Variants in ABCB4 observed in about 807,000 individuals in gnomAD.
ABCB4 encodes the protein ATP binding cassette subfamily B member 4.
Under a neutral mutation model 145.7 loss-of-function variants are expected in ABCB4, and 76 were observed. The observed-to-expected ratio is 0.52, with a 90% CI of 0.43 to 0.63. The LOEUF (loss-of-function observed/expected upper bound fraction) is 0.63, where lower values mean the gene tolerates loss of function less well. Among genes scored for constraint, ABCB4 ranks in the 30% least tolerant of loss-of-function variants. ABCB4 has a pLI of 0.00. For synonymous variants in ABCB4, 517 were observed against 566.8 expected (o/e 0.91, Z 1.25); for missense variants, 1,234 against 1,553.1 (o/e 0.79, Z 3.45).
Position 87,413,643 on chromosome 7 carries a change from A to G in ABCB4, c.2757T>C (p.Tyr919=), listed in dbSNP as rs1355715254. 1.9e-6 allele frequency: 3 copies of G among 1,611,242 alleles called. No homozygotes were observed. Among genetic ancestry groups the G allele is most frequent in the African/African-American group, 1.3e-5 (1 of 74,844 alleles). The change falls in exon 22 of 28, where the codon TAT becomes TAC. Residue 919 remains tyrosine, a synonymous_variant. Transcript: ENST00000649586. ...LTQERKFESM[Y]VEKLYGPYRN... is the part of the protein sequence containing the mutation. The stretch of plus-strand genomic sequence containing the variant: ...TGTAAGGTCCATACAATTTTTCAAC[A>G]TACATTGATTCAAATTTTCTTTCCT...
At chr7:87,398,422 AT>A (rs1278392744), downstream of ABCB4, 11 of 1,405,500 alleles carry the variant, frequency 7.8e-6, no homozygotes, top group African/African-American at 1.4e-4. Flanking sequence ...AAGACTTCAC[AT>A]TTCATGTATG....
At chr7:87,470,080 C>G (rs1422695226) in intron 3 of ABCB4, among the ~76,000 whole-genome samples, 1 of 152,234 alleles carries the variant, frequency 6.6e-6, no homozygotes, top group African/African-American at 2.4e-5. Flanking sequence ...CTACAACTAT[C>G]TGATCTTTGA....
downstream of ABCB4, among the ~76,000 whole-genome samples, chr7:87,397,563 A>G (rs935938661): frequency 2.0e-5 from 3 of 152,194 alleles, no homozygotes; most frequent in Admixed American, 6.5e-5. Flanking sequence ...GTGGAGAGAA[A>G]CATGTTTAGA....
chr7:87,390,648 G>T, the ABCB4 span, among the ~76,000 whole-genome samples: 1 of 152,138 alleles, frequency 6.6e-6, no homozygotes, highest in South Asian at 2.1e-4. Flanking sequence ...GAAAGTAAGA[G>T]AGTTTTATAC....
At chr7:87,368,658 G>A in the ABCB4 span, among the ~76,000 whole-genome samples, 3 of 152,202 alleles carry the variant, frequency 2.0e-5, no homozygotes, top group Admixed American at 6.5e-5. Flanking sequence ...AAGCGGCAGT[G>A]TATGTCTTCT....
At chr7:87,419,394 C>A (rs1809230404) in intron 19 of ABCB4, among the ~76,000 whole-genome samples, 1 of 152,136 alleles carries the variant, frequency 6.6e-6, no homozygotes, top group Non-Finnish European at 1.5e-5. Flanking sequence ...TGCATATTTT[C>A]CTATGTCAGG....
intron 16 of ABCB4, among the ~76,000 whole-genome samples, chr7:87,425,151 A>C (rs1809721438): frequency 6.6e-6 from 1 of 152,038 alleles, no homozygotes; most frequent in South Asian, 2.1e-4. Flanking sequence ...GGTCCCTCTA[A>C]TCAGACTTAA....
intron 15 of ABCB4, among the ~76,000 whole-genome samples, chr7:87,427,498 G>T (rs114595831): frequency 6.6e-6 from 1 of 152,164 alleles, no homozygotes; most frequent in Non-Finnish European, 1.5e-5. Context: ...GGGGGTGGGG[G>T]TGCTGATCTA....
At chr7:87,377,540 A>T in the ABCB4 span, 1 of 728,770 alleles carries the variant, frequency 1.4e-6, no homozygotes, top group Non-Finnish European at 2.3e-6. Flanking sequence ...GGAACAGTGT[A>T]AGTGAATAGT....
chr7:87,423,854 C>T, intron 17 of ABCB4, 52 bp downstream of exon 17: 1 of 1,610,524 alleles, frequency 6.2e-7, no homozygotes. Context: ...GGAGAAGCAG[C>T]AGCTGATGAA....
At chr7:87,383,483 G>C in the ABCB4 span, among the ~76,000 whole-genome samples, 1 of 145,234 alleles carries the variant, frequency 6.9e-6, no homozygotes, top group East Asian at 2.0e-4. Flanking sequence ...ATATTCCATT[G>C]TGTATGTATA....
Position 87,422,239 on chromosome 7 carries a change from T to A in ABCB4, c.2212-14A>T. The A allele has an allele frequency of 6.3e-7, 1 of 1,591,648 alleles. No homozygotes were observed. The highest frequency in any genetic ancestry group is 8.6e-7 in the Non-Finnish European group (1 of 1,160,440). The stretch of plus-strand genomic sequence containing the variant: ...TGGTCCAAAAATCTACAAAAGAATA[T>A]TTAAAACGCCCACTTGGATTACATA... On this transcript the variant is annotated splice_polypyrimidine_tract_variant and intron_variant, in intron 17 of 27. Transcript: ENST00000649586.
chr7:87,451,868 C>A, intron 6 of ABCB4, 74 bp from the exon 7 acceptor site: 2 of 1,435,582 alleles, frequency 1.4e-6, no homozygotes, highest in Non-Finnish European at 2.0e-6. Flanking sequence ...ATCCAACAAA[C>A]ACATAGACAA....
At chr7:87,468,926 G>A (rs865912379) in intron 3 of ABCB4, among the ~76,000 whole-genome samples, 25 of 87,464 alleles carry the variant, frequency 2.9e-4, no homozygotes, top group African/African-American at 1.1e-3. Context: ...GCGCAACTCC[G>A]TCTCAAAAAA....
intron 15 of ABCB4, 111 bp downstream of exon 15, chr7:87,431,293 T>C (rs1810201694): frequency 7.3e-7 from 1 of 1,376,202 alleles, no homozygotes; most frequent in African/African-American, 1.4e-5. Context: ...TTTAGGCATC[T>C]TGTTGAAGTT....
At chr7:87,406,255 GTC>G in intron 26 of ABCB4, 31 bp downstream of exon 26, 3 of 1,602,256 alleles carry the variant, frequency 1.9e-6, no homozygotes, top group Admixed American at 1.7e-5. Context: ...ATAAAAAGTA[GTC>G]TCTTCTGATT....
chr7:87,465,456 T>C (rs534308648), intron 3 of ABCB4, among the ~76,000 whole-genome samples: 15 of 152,340 alleles, frequency 9.8e-5, no homozygotes, highest in Non-Finnish European at 1.9e-4. Context: ...CCTGCCTCTG[T>C]AGACTCTGCC....
intron 21 of ABCB4, among the ~76,000 whole-genome samples, chr7:87,416,905 T>C (rs45478198): frequency 5.1e-4 from 77 of 152,366 alleles, no homozygotes; most frequent in Non-Finnish European, 9.0e-4. Context: ...ATCTTAATTA[T>C]AGAAATCACA....
intron 3 of ABCB4, among the ~76,000 whole-genome samples, chr7:87,468,684 G>C (rs1463997132): frequency 1.3e-5 from 2 of 152,082 alleles, no homozygotes; most frequent in African/African-American, 4.8e-5. Context: ...TATAATCGCA[G>C]CACTTTGGGA....
Sources: allele counts gnomAD v4.1 joint callset (sites outside exome capture counted in the v4.1 genomes callset), GRCh38; gene constraint gnomAD v4.1.1; transcripts MANE v1.5; gene names NCBI Gene and HGNC (gene_info 2026-07-23, HGNC 2026-07-21).